The following PLPP1 variants were observed in gnomAD, a reference collection of about 807,000 sequenced individuals.
The protein encoded by PLPP1 is lipid phosphate phosphohydrolase 1a.
In PLPP1, 24 loss-of-function variants were observed where a neutral mutation model predicts 31.2. That is an observed-to-expected ratio of 0.77 (90% CI 0.56 to 1.08). PLPP1 has a LOEUF of 1.08. Ranked by LOEUF, PLPP1 falls within the 50% of genes least tolerant of loss-of-function variation. The pLI, the probability that PLPP1 is intolerant of heterozygous loss-of-function variation, is 0.00. For synonymous variants in PLPP1, 146 were observed against 126.3 expected, an observed-to-expected ratio of 1.16 and a Z score of -1.05; for missense variants, 319 against 342.7, an observed-to-expected ratio of 0.93 and a Z score of 0.55.
intron 4 of PLPP1, among the ~76,000 whole-genome samples, chr5:55,429,014 C>G (rs753559265): frequency 2.6e-5 from 4 of 152,014 alleles, no homozygotes; most frequent in Admixed American, 1.3e-4. Flanking sequence ...CCTTGCATAC[C>G]CACATCTCCC....
intron 1 of PLPP1, among the ~76,000 whole-genome samples, chr5:55,518,430 G>GT (rs1291190059): frequency 6.6e-6 from 1 of 151,856 alleles, no homozygotes; most frequent in Admixed American, 6.6e-5. Flanking sequence ...AAGTGCTGGG[G>GT]TTACAGGCAT....
At chr5:55,443,214 C>T (rs35777615) in intron 3 of PLPP1, among the ~76,000 whole-genome samples, 37,188 of 65,396 alleles carry the variant, frequency 0.57, 10,323 homozygotes, top group Non-Finnish European at 0.65. Context: ...TATATATATA[C>T]ACACACACAC....
chr5:55,435,068 T>G (rs1352231429), intron 4 of PLPP1, among the ~76,000 whole-genome samples: 1 of 152,120 alleles, frequency 6.6e-6, no homozygotes, highest in Admixed American at 6.5e-5. Context: ...AATACTCCCA[T>G]TGAAAAGTGG....
At chr5:55,485,748 C>CT (rs1752763306) in intron 1 of PLPP1, among the ~76,000 whole-genome samples, 1 of 152,022 alleles carries the variant, frequency 6.6e-6, no homozygotes, top group African/African-American at 2.4e-5. Context: ...TCAGAAAGAA[C>CT]GATTACTATT....
At chr5:55,503,898 TAGAGGGGGGAGGA>T (rs1753202183) in intron 1 of PLPP1, among the ~76,000 whole-genome samples, 1 of 11,866 alleles carries the variant, frequency 8.4e-5, no homozygotes, top group Non-Finnish European at 1.8e-4. Flanking sequence ...GGGGAGGAAG[TAGAGGGGGGAGGA>T]AGGGGGGGGA....
intron 1 of PLPP1, among the ~76,000 whole-genome samples, chr5:55,528,759 T>C (rs751597227): frequency 6.6e-6 from 1 of 152,206 alleles, no homozygotes; most frequent in Non-Finnish European, 1.5e-5. Flanking sequence ...TATATGTATA[T>C]ATTAGCAGCA....
intron 2 of PLPP1, among the ~76,000 whole-genome samples, chr5:55,469,438 C>T (rs567395183): frequency 1.3e-5 from 2 of 151,342 alleles, no homozygotes; most frequent in South Asian, 2.1e-4. Context: ...TGCAGTGAGC[C>T]GAGATGGCGC....
chr5:55,474,302 C>A (rs1053886340), intron 2 of PLPP1, among the ~76,000 whole-genome samples: 1 of 152,060 alleles, frequency 6.6e-6, no homozygotes, highest in African/African-American at 2.4e-5. Context: ...CAGCCTTCTA[C>A]TTTTAACTAA....
rs1235962793 is a variant in PLPP1, at chr5:55,534,799, A to C, written c.-170T>G. The C allele has an allele frequency of 1.6e-6, 1 of 641,392 alleles. No homozygotes were observed. Among genetic ancestry groups the C allele is most frequent in the Non-Finnish European group, 2.5e-6 (1 of 402,300 alleles). The allele number at this position is 641,392 out of a possible 1,614,324, so 39.7% of individuals were successfully genotyped here. On this transcript the variant is annotated 5_prime_UTR_variant, in exon 1 of 6. Transcript: ENST00000307259. ...CGGGCTGAGACCGGGCGGCGCTCCC[A>C]CCGCCAGCAATGGCGCCCGGGGCCC...
At chr5:55,433,968 C>T (rs1324087836) in intron 4 of PLPP1, among the ~76,000 whole-genome samples, 2 of 151,836 alleles carry the variant, frequency 1.3e-5, no homozygotes, top group Non-Finnish European at 1.5e-5. Context: ...GAAACCCTGT[C>T]TTTACTAAAA....
intron 1 of PLPP1, among the ~76,000 whole-genome samples, chr5:55,504,522 C>A (rs1753225321): frequency 5.4e-5 from 2 of 37,204 alleles, no homozygotes. Flanking sequence ...AAGACTCCAT[C>A]TCAAAAAAAA....
intron 1 of PLPP1, among the ~76,000 whole-genome samples, chr5:55,483,547 C>CTG (rs1333833561): frequency 1.3e-5 from 2 of 151,486 alleles, no homozygotes; most frequent in African/African-American, 4.9e-5. Flanking sequence ...TGGCACATGC[C>CTG]TGTAATCCCA....
chr5:55,441,997 T>A, intron 3 of PLPP1, 89 bp from the exon 4 acceptor site: 1 of 1,227,162 alleles, frequency 8.1e-7, no homozygotes, highest in Non-Finnish European at 1.2e-6. Flanking sequence ...AGTTTCAGAG[T>A]GTACACAACT....
intron 4 of PLPP1, among the ~76,000 whole-genome samples, chr5:55,441,536 C>T (rs751952013): frequency 1.3e-5 from 2 of 152,208 alleles, no homozygotes; most frequent in Non-Finnish European, 2.9e-5. Context: ...TGTTCGCCCA[C>T]ACTGAGCAGA....
chr5:55,463,921 G>A (rs961913346), intron 3 of PLPP1, among the ~76,000 whole-genome samples: 14 of 151,504 alleles, frequency 9.2e-5, no homozygotes, highest in African/African-American at 2.9e-4. Context: ...AATATATAAA[G>A]AACTCTTACA....
chr5:55,438,559 C>G (rs1193463118), intron 4 of PLPP1, among the ~76,000 whole-genome samples: 1 of 152,084 alleles, frequency 6.6e-6, no homozygotes, highest in Admixed American at 6.5e-5. Context: ...CCCAGAGAAA[C>G]AAGATGAGTC....
At chr5:55,434,503 G>A (rs894203361) in intron 4 of PLPP1, among the ~76,000 whole-genome samples, 1 of 152,188 alleles carries the variant, frequency 6.6e-6, no homozygotes, top group Middle Eastern at 3.4e-3. Context: ...AAAAAAGCTT[G>A]GAGGCATCAC....
At chr5:55,490,587 G>A (rs1452891894) in intron 1 of PLPP1, among the ~76,000 whole-genome samples, 1 of 152,082 alleles carries the variant, frequency 6.6e-6, no homozygotes, top group Admixed American at 6.5e-5. Flanking sequence ...TTAACAGTAT[G>A]ATAAAGCAAG....
At chr5:55,527,598 C>T (rs895095443) in intron 1 of PLPP1, among the ~76,000 whole-genome samples, 1 of 152,082 alleles carries the variant, frequency 6.6e-6, no homozygotes, top group Non-Finnish European at 1.5e-5. Context: ...AGGGTCCTGC[C>T]AAGAAAAGCA....
Sources: allele counts gnomAD v4.1 joint callset (sites outside exome capture counted in the v4.1 genomes callset), GRCh38; gene constraint gnomAD v4.1.1; transcripts MANE v1.5; gene names NCBI Gene and HGNC (gene_info 2026-07-23, HGNC 2026-07-21).